PRMT3: variants seen among roughly 807,000 people sequenced by gnomAD.
The protein encoded by PRMT3 is protein arginine N-methyltransferase 3.
PRMT3 carries 62 observed loss-of-function variants against 71.9 expected under a neutral mutation model. The observed-to-expected ratio is 0.86, with a 90% CI of 0.70 to 1.07. The LOEUF is 1.07. Ranked by LOEUF, PRMT3 falls within the 50% of genes least tolerant of loss-of-function variation. The pLI is 0.00. For synonymous variants in PRMT3, 213 were observed against 220.4 expected, an observed-to-expected ratio of 0.97 and a Z score of 0.30; for missense variants, 663 against 643.0, an observed-to-expected ratio of 1.03 and a Z score of -0.34.
intron 3 of PRMT3, among the ~76,000 whole-genome samples, chr11:20,391,773 G>A (rs1565190738): frequency 6.6e-6 from 1 of 152,040 alleles, no homozygotes; most frequent in Non-Finnish European, 1.5e-5. Context: ...AAGCCTTATT[G>A]GGCTTGCATC....
Position 20,504,741 on chromosome 11 carries a change from A to C in PRMT3, c.1487-3563A>C, listed in dbSNP as rs867541432. 8.2e-3 allele frequency among the ~76,000 whole-genome samples: 1,130 copies of C among 137,694 alleles called. 7 individuals carry two copies. Among genetic ancestry groups the C allele is most frequent in the Middle Eastern group, 0.032 (8 of 248 alleles). The allele number at this position is 137,694 out of a possible 152,430, so 90.3% of individuals were successfully genotyped here. A position where few individuals can be genotyped will look rare whatever the true frequency, so the allele number is the denominator to read the frequency against. ...GAGAGAGAGAGAGAGAGAGAGAGAG[A>C]GAGAGCGAGAGCGACTGAGACTCGG... is the stretch of plus-strand genomic sequence containing the variant. On this transcript the variant is annotated intron_variant, in intron 15 of 15. Coordinates refer to ENST00000331079, the MANE Select transcript of PRMT3 (RefSeq NM_005788.4).
At chr11:20,440,927 CA>C (rs1278147812) in intron 10 of PRMT3, among the ~76,000 whole-genome samples, 1 of 151,956 alleles carries the variant, frequency 6.6e-6, no homozygotes, top group Admixed American at 6.6e-5. Context: ...TCTAATTTAT[CA>C]ATTATTTTTA....
chr11:20,479,938 G>A (rs1850890207), intron 13 of PRMT3, among the ~76,000 whole-genome samples: 1 of 152,160 alleles, frequency 6.6e-6, no homozygotes, highest in Admixed American at 6.5e-5. Flanking sequence ...ATGGGTAAAT[G>A]TGGTATATTT....
intron 13 of PRMT3, among the ~76,000 whole-genome samples, chr11:20,473,707 C>A (rs999261688): frequency 1.3e-5 from 2 of 152,112 alleles, no homozygotes; most frequent in Non-Finnish European, 2.9e-5. Context: ...CAGCAAAGTT[C>A]ATTATTACCC....
chr11:20,433,042 T>G (rs1849687478), intron 10 of PRMT3, among the ~76,000 whole-genome samples: 2 of 152,168 alleles, frequency 1.3e-5, no homozygotes, highest in South Asian at 4.1e-4. Flanking sequence ...TTTATTTACT[T>G]TTTTAGTGGC....
chr11:20,482,631 T>C, intron 13 of PRMT3, among the ~76,000 whole-genome samples: 1 of 152,040 alleles, frequency 6.6e-6, no homozygotes, highest in East Asian at 1.9e-4. Flanking sequence ...ATTCAGCCGG[T>C]TACCCATGGA....
Position 20,388,018 on chromosome 11 carries a change from G to A in PRMT3, c.29-1G>A. ...ATCTGATTGTTGTGTGTGTGTGTTAGGCGGCCGGGGCGCTGTGGAGAATGA... is the reference window on the plus strand; with the variant it reads ...ATCTGATTGTTGTGTGTGTGTGTTAAGCGGCCGGGGCGCTGTGGAGAATGA... On this transcript the variant is annotated splice_acceptor_variant, in intron 1 of 15. Coordinates refer to ENST00000331079, the MANE Select transcript of PRMT3 (RefSeq NM_005788.4). LOFTEE classifies it high-confidence loss of function. 12 of 1,613,900 alleles carry A rather than the reference G, an allele frequency of 7.4e-6. No homozygotes were observed. Among genetic ancestry groups the A allele is most frequent in the Non-Finnish European group, 1.0e-5 (12 of 1,179,986 alleles).
At chr11:20,433,346 G>A (rs1414338972) in intron 10 of PRMT3, among the ~76,000 whole-genome samples, 1 of 151,968 alleles carries the variant, frequency 6.6e-6, no homozygotes, top group African/African-American at 2.4e-5. Flanking sequence ...AAAGATAATG[G>A]CCTCCAGCTC....
Position 20,434,485 on chromosome 11 carries a change from C to G in PRMT3, c.993+7620C>G, listed in dbSNP as rs576067960. Among the ~76,000 whole-genome samples, 18 of 152,152 alleles carry G rather than the reference C, an allele frequency of 1.2e-4. 2 individuals carry two copies. The South Asian group carries it at 3.5e-3, about 30-fold the overall frequency. ...TCCAGGATGGTATTGCCTAGGTTGTCTTTCGGGGTTTTTATAGTTTTGGGT... is the reference window on the plus strand; with the variant it reads ...TCCAGGATGGTATTGCCTAGGTTGTGTTTCGGGGTTTTTATAGTTTTGGGT... On this transcript the variant is annotated intron_variant, in intron 10 of 15. Transcript: ENST00000331079.
At chr11:20,481,319 C>G (rs138319269) in intron 13 of PRMT3, among the ~76,000 whole-genome samples, 2 of 151,734 alleles carry the variant, frequency 1.3e-5, no homozygotes, top group East Asian at 3.9e-4. Context: ...TGATTCTGCC[C>G]TCCTTTTTAA....
chr11:20,389,610 TTG>T, intron 2 of PRMT3, 132 bp from the exon 3 acceptor site: 1 of 551,632 alleles, frequency 1.8e-6, no homozygotes. Context: ...ACAAGTGTGT[TTG>T]TTTTTTCTTA....
intron 13 of PRMT3, among the ~76,000 whole-genome samples, chr11:20,481,786 T>C (rs1365801451): frequency 6.6e-6 from 1 of 152,114 alleles, no homozygotes; most frequent in African/African-American, 2.4e-5. Flanking sequence ...TCCATTTGAC[T>C]TCATTTTATC....
chr11:20,392,410 C>A, intron 4 of PRMT3, 150 bp downstream of exon 4: 1 of 779,590 alleles, frequency 1.3e-6, no homozygotes, highest in Non-Finnish European at 1.9e-6. Context: ...TAGGAGGTAG[C>A]ACAGCAGAAA....
At chr11:20,489,417 G>C (rs1165089374) in intron 13 of PRMT3, among the ~76,000 whole-genome samples, 2 of 152,078 alleles carry the variant, frequency 1.3e-5, no homozygotes, top group Non-Finnish European at 2.9e-5. Flanking sequence ...TCTTTTACGA[G>C]CATATGTCAA....
In PRMT3 at chr11:20,419,044, TTAGAAG is replaced by T. The variant is rs1249999130; in HGVS notation, c.894-7716_894-7711del. Among the ~76,000 whole-genome samples, 41 of 152,292 alleles carry T rather than the reference TTAGAAG, an allele frequency of 2.7e-4. 1 individual carries two copies. In the Middle Eastern group the frequency reaches 0.01, roughly 38 times the overall value. On this transcript the variant is annotated intron_variant, in intron 9 of 15. Coordinates refer to ENST00000331079, the MANE Select transcript of PRMT3 (RefSeq NM_005788.4). ...GTGCACACATCTGGGGGGTGTATAC[TTAGAAG>T]TAGAACTGTGGTCCTTAGGGTATAC...
At chr11:20,442,195 T>C (rs182732959) in intron 10 of PRMT3, among the ~76,000 whole-genome samples, 2 of 152,306 alleles carry the variant, frequency 1.3e-5, no homozygotes, top group Admixed American at 6.5e-5. Context: ...TCATAAGAAA[T>C]GTACAGTCAA....
chr11:20,503,818 G>A (rs1226219545), intron 15 of PRMT3, among the ~76,000 whole-genome samples: 1 of 152,108 alleles, frequency 6.6e-6, no homozygotes, highest in Non-Finnish European at 1.5e-5. Context: ...GCAGACAGAT[G>A]TTTTCATTTC....
At chr11:20,463,124 G>T (rs1376923990) in intron 12 of PRMT3, among the ~76,000 whole-genome samples, 2 of 152,108 alleles carry the variant, frequency 1.3e-5, no homozygotes, top group Admixed American at 6.5e-5. Context: ...TCGGCCTCCC[G>T]AAGTGCTGTC....
chr11:20,393,288 A>G (rs751330331), intron 5 of PRMT3, among the ~76,000 whole-genome samples: 11 of 152,182 alleles, frequency 7.2e-5, no homozygotes, highest in Non-Finnish European at 1.2e-4. Context: ...TCTACTAAAA[A>G]TACAAAAAAT....
Sources: gnomAD v4.1 joint callset for allele counts (sites outside exome capture counted in the v4.1 genomes callset) on GRCh38, gnomAD v4.1.1 for gene constraint, MANE v1.5 for transcripts, NCBI Gene and HGNC (gene_info 2026-07-23, HGNC 2026-07-21) for gene names.